CMSS1: variants seen among roughly 807,000 people sequenced by gnomAD.
CMSS1 encodes cms1 ribosomal small subunit homolog, also known as protein CMSS1.
Under a neutral mutation model 43.5 loss-of-function variants are expected in CMSS1, and 33 were observed. The ratio of observed to expected loss-of-function variants is 0.76; its 90% CI spans 0.57 to 1.01. The LOEUF is 1.01. CMSS1 is among the 50% of genes least tolerant of loss of function. The pLI is 0.00. For synonymous variants in CMSS1, 115 were observed against 117.2 expected (o/e 0.98, Z 0.12); for missense variants, 313 against 326.4 (o/e 0.96, Z 0.32).
chr3:99,895,438 A>T (rs1462544630), intron 1 of CMSS1, among the ~76,000 whole-genome samples: 1 of 137,112 alleles, frequency 7.3e-6, no homozygotes, highest in Non-Finnish European at 1.6e-5. Context: ...TTTGTGGCTT[A>T]TTCAAGGTAC....
At chr3:100,031,065 C>T (rs2065014579) in intron 1 of CMSS1, among the ~76,000 whole-genome samples, 1 of 152,080 alleles carries the variant, frequency 6.6e-6, no homozygotes, top group African/African-American at 2.4e-5. Flanking sequence ...CCCATTCTGC[C>T]TTTATTCCTT....
intron 1 of CMSS1, chr3:99,850,391 T>C (rs767619818): frequency 1.2e-6 from 2 of 1,613,434 alleles, no homozygotes; most frequent in Non-Finnish European, 1.7e-6. Flanking sequence ...TCTTCTAACT[T>C]TTCCAGAGCC....
intron 1 of CMSS1, among the ~76,000 whole-genome samples, chr3:100,146,739 C>T (rs140794830): frequency 6.6e-6 from 1 of 152,290 alleles, no homozygotes; most frequent in East Asian, 1.9e-4. Flanking sequence ...TGTGACAAAA[C>T]ATTCCCTCCT....
At chr3:100,008,796 C>T (rs1383824274) in intron 1 of CMSS1, among the ~76,000 whole-genome samples, 1 of 152,088 alleles carries the variant, frequency 6.6e-6, no homozygotes, top group East Asian at 1.9e-4. Flanking sequence ...ATTTTGCGTG[C>T]AGAAATAGCA....
chr3:100,153,830 G>A (rs2066944658), intron 2 of CMSS1, among the ~76,000 whole-genome samples: 1 of 151,854 alleles, frequency 6.6e-6, no homozygotes, highest in African/African-American at 2.4e-5. Flanking sequence ...GGACACCTGA[G>A]GCTATTTCTT....
intron 1 of CMSS1, among the ~76,000 whole-genome samples, chr3:100,038,545 T>G (rs1265196259): frequency 2.0e-5 from 3 of 152,228 alleles, no homozygotes; most frequent in Admixed American, 1.3e-4. Context: ...ACATTGTAAT[T>G]GCAAAAGATT....
At chr3:99,864,473 A>C (rs1210719767) in intron 1 of CMSS1, among the ~76,000 whole-genome samples, 1 of 152,204 alleles carries the variant, frequency 6.6e-6, no homozygotes, top group Non-Finnish European at 1.5e-5. Context: ...ATAATTTTCC[A>C]AACAGTACAG....
chr3:99,986,017 T>C (rs4928234), intron 1 of CMSS1, among the ~76,000 whole-genome samples: 123,392 of 152,232 alleles, frequency 0.81, 50,298 homozygotes, highest in African/African-American at 0.9. Context: ...AGATACAGTT[T>C]GCACGTGGAC....
chr3:100,029,851 A>G (rs759392717), intron 1 of CMSS1, among the ~76,000 whole-genome samples: 2 of 152,208 alleles, frequency 1.3e-5, no homozygotes, highest in African/African-American at 4.8e-5. Context: ...ATTCTAGGAG[A>G]TGTCAACAGT....
intron 1 of CMSS1, among the ~76,000 whole-genome samples, chr3:100,019,649 G>A (rs77495843): frequency 0.012 from 1,827 of 152,126 alleles, 23 homozygotes; most frequent in African/African-American, 0.027. Flanking sequence ...GCTGTTGACT[G>A]TCTTTCCATT....
chr3:100,101,631 T>A (rs1282310434), intron 1 of CMSS1, among the ~76,000 whole-genome samples: 1 of 152,176 alleles, frequency 6.6e-6, no homozygotes. Flanking sequence ...TTTGTTTTTT[T>A]AATTATACTT....
intron 1 of CMSS1, among the ~76,000 whole-genome samples, chr3:99,847,210 G>A (rs2107517920): frequency 6.6e-6 from 1 of 151,178 alleles, no homozygotes; most frequent in African/African-American, 2.4e-5. Flanking sequence ...AAAAAAAACT[G>A]TAAGAGGTTA....
intron 1 of CMSS1, among the ~76,000 whole-genome samples, chr3:100,083,185 A>G (rs983793567): frequency 1.3e-5 from 2 of 152,234 alleles, no homozygotes; most frequent in African/African-American, 2.4e-5. Flanking sequence ...GCTTCAGGAT[A>G]TTCAACATAA....
At chr3:100,071,455 C>T (rs1004567315) in intron 1 of CMSS1, among the ~76,000 whole-genome samples, 1 of 152,196 alleles carries the variant, frequency 6.6e-6, no homozygotes, top group Non-Finnish European at 1.5e-5. Context: ...AAAGTAGATA[C>T]TGTTTCCTCT....
chr3:100,026,619 G>T (rs1266908861), intron 1 of CMSS1, among the ~76,000 whole-genome samples: 1 of 152,136 alleles, frequency 6.6e-6, no homozygotes, highest in African/African-American at 2.4e-5. Context: ...ACTTGGAGTT[G>T]TCCTTCACTC....
chr3:99,893,079 C>T (rs919736244), intron 1 of CMSS1, among the ~76,000 whole-genome samples: 3 of 151,298 alleles, frequency 2.0e-5, no homozygotes, highest in African/African-American at 7.3e-5. Flanking sequence ...TCAAGTGTTA[C>T]TGGGAAGAAA....
chr3:100,096,519 A>G (rs2066211428), intron 1 of CMSS1, among the ~76,000 whole-genome samples: 1 of 152,108 alleles, frequency 6.6e-6, no homozygotes, highest in Admixed American at 6.6e-5. Flanking sequence ...ACAAAAAGAC[A>G]AACATCACAT....
At chr3:100,118,467 C>T (rs2066593898) in intron 1 of CMSS1, among the ~76,000 whole-genome samples, 1 of 152,118 alleles carries the variant, frequency 6.6e-6, no homozygotes. Context: ...GACAGCTTTT[C>T]ACTTACAGTT....
intron 1 of CMSS1, among the ~76,000 whole-genome samples, chr3:100,045,739 A>G (rs1024548039): frequency 4.6e-5 from 7 of 152,244 alleles, no homozygotes; most frequent in East Asian, 3.8e-4. Context: ...AAGCCTTTAC[A>G]TTTCCAGACG....
Sources: gnomAD v4.1 joint callset for allele counts (sites outside exome capture counted in the v4.1 genomes callset) on GRCh38, gnomAD v4.1.1 for gene constraint, MANE v1.5 for transcripts, NCBI Gene and HGNC (gene_info 2026-07-23, HGNC 2026-07-21) for gene names.